Variants in NRG1 observed in about 807,000 individuals in gnomAD.
NRG1 encodes the protein neuregulin 1.
NRG1 carries 18 observed loss-of-function variants against 63.8 expected under a neutral mutation model. That is an observed-to-expected ratio of 0.28 (90% CI 0.19 to 0.42). The LOEUF is 0.42. Ranked by LOEUF, NRG1 falls within the 10% of genes least tolerant of loss-of-function variation. NRG1 has a pLI of 1.00. For synonymous variants in NRG1, 302 were observed against 301.3 expected, an observed-to-expected ratio of 1.00 and a Z score of -0.02; for missense variants, 762 against 814.7, an observed-to-expected ratio of 0.94 and a Z score of 0.79.
At chr8:31,678,669 T>G (rs1281957646) in intron 1 of NRG1, among the ~76,000 whole-genome samples, 1 of 150,180 alleles carries the variant, frequency 6.7e-6, no homozygotes, top group Admixed American at 6.7e-5. Flanking sequence ...ATATTCTATA[T>G]TGAAATGATT....
chr8:32,748,618 C>G (rs1243037248), intron 7 of NRG1: 1 of 439,040 alleles, frequency 2.3e-6, no homozygotes, highest in Non-Finnish European at 4.5e-6. Context: ...TGGCTCATAC[C>G]TTTGAGTCCA....
At chr8:32,137,035 G>A in intron 1 of NRG1, among the ~76,000 whole-genome samples, 1 of 152,020 alleles carries the variant, frequency 6.6e-6, no homozygotes. Context: ...TGGTTTATTC[G>A]ATTGTGAATC....
intron 1 of NRG1, among the ~76,000 whole-genome samples, chr8:32,071,884 T>C (rs1309029590): frequency 6.6e-6 from 1 of 152,084 alleles, no homozygotes; most frequent in Non-Finnish European, 1.5e-5. Flanking sequence ...ACAATGAGAG[T>C]CTTAACAAAT....
intron 1 of NRG1, among the ~76,000 whole-genome samples, chr8:32,587,211 C>T (rs980959570): frequency 2.0e-5 from 3 of 150,074 alleles, no homozygotes; most frequent in South Asian, 2.1e-4. Context: ...GAGACTCTGC[C>T]GCCAAAAAAA....
At chr8:32,432,120 T>C (rs566841727) in intron 1 of NRG1, among the ~76,000 whole-genome samples, 94 of 152,286 alleles carry the variant, frequency 6.2e-4, no homozygotes, top group African/African-American at 2.2e-3. Flanking sequence ...CCTGTCAAGA[T>C]GTATATGGAA....
At chr8:31,759,769 A>G (rs928841152) in intron 1 of NRG1, among the ~76,000 whole-genome samples, 3 of 152,094 alleles carry the variant, frequency 2.0e-5, no homozygotes, top group African/African-American at 7.2e-5. Flanking sequence ...TTTGATTGGT[A>G]TTGCTTTGAG....
Position 32,116,069 on chromosome 8 carries a change from T to C in NRG1, c.37+476638T>C, listed in dbSNP as rs533762157. On this transcript the variant is annotated intron_variant, in intron 1 of 10. Coordinates refer to the NRG1 transcript ENST00000519301. Reference sequence around the variant, plus strand: ...TTAGTGTTGAGAAAGATGATATTAATGTATTCCGTTGTCCTAAATATTTCA... The same window carrying C: ...TTAGTGTTGAGAAAGATGATATTAACGTATTCCGTTGTCCTAAATATTTCA... Among the ~76,000 whole-genome samples, 5 of 152,272 alleles carry C rather than the reference T, an allele frequency of 3.3e-5. No individual in the cohort carries two copies. The South Asian group carries it at 1.0e-3, about 32-fold the overall frequency.
chr8:32,209,145 G>T (rs1353135221), intron 1 of NRG1, among the ~76,000 whole-genome samples: 2 of 152,032 alleles, frequency 1.3e-5, no homozygotes, highest in Non-Finnish European at 2.9e-5. Flanking sequence ...GTGCCTTAAG[G>T]ATGACCAAAG....
intron 1 of NRG1, among the ~76,000 whole-genome samples, chr8:32,499,673 TA>T (rs1827627419): frequency 6.6e-6 from 1 of 151,948 alleles, no homozygotes; most frequent in Non-Finnish European, 1.5e-5. Context: ...GATCCTGTCT[TA>T]AAAATAAATA....
intron 1 of NRG1, among the ~76,000 whole-genome samples, chr8:31,742,598 A>G (rs1379863088): frequency 6.6e-6 from 1 of 150,542 alleles, no homozygotes; most frequent in Non-Finnish European, 1.5e-5. Flanking sequence ...TACTAAATTT[A>G]TGCTAGCTGC....
chr8:32,491,050 T>C (rs1826495170), intron 1 of NRG1, among the ~76,000 whole-genome samples: 1 of 152,190 alleles, frequency 6.6e-6, no homozygotes, highest in South Asian at 2.1e-4. Context: ...TCCCCCTTCA[T>C]CTCAAGGTGT....
chr8:32,645,353 C>T (rs1224637150), intron 5 of NRG1, among the ~76,000 whole-genome samples: 4 of 152,200 alleles, frequency 2.6e-5, no homozygotes, highest in Non-Finnish European at 5.9e-5. Context: ...GAGAGATGAA[C>T]TCAAGGATAA....
intron 1 of NRG1, among the ~76,000 whole-genome samples, chr8:31,723,730 G>A (rs886081008): frequency 1.3e-5 from 2 of 152,076 alleles, no homozygotes; most frequent in African/African-American, 2.4e-5. Context: ...TCCTTTAAAT[G>A]TATTTTCTTA....
chr8:32,155,651 A>G (rs533241073), intron 1 of NRG1, among the ~76,000 whole-genome samples: 3 of 152,152 alleles, frequency 2.0e-5, no homozygotes, highest in African/African-American at 7.2e-5. Context: ...CCTTGCTTCC[A>G]TCATACCTTT....
chr8:32,100,666 T>C (rs974473556), intron 1 of NRG1, among the ~76,000 whole-genome samples: 43 of 152,248 alleles, frequency 2.8e-4, no homozygotes, highest in African/African-American at 9.9e-4. Context: ...CAAATTTGCG[T>C]CCTTTTTTAT....
At chr8:32,048,219 C>T (rs1016760731) in intron 1 of NRG1, among the ~76,000 whole-genome samples, 4 of 150,926 alleles carry the variant, frequency 2.7e-5, no homozygotes, top group African/African-American at 4.9e-5. Flanking sequence ...ACGGTAAACA[C>T]GGAAGTGTAA....
chr8:32,091,388 T>C (rs1163634883), intron 1 of NRG1, among the ~76,000 whole-genome samples: 2 of 152,114 alleles, frequency 1.3e-5, no homozygotes, highest in African/African-American at 2.4e-5. Flanking sequence ...TGGTGGCAAG[T>C]TGGGAGAGAG....
At chr8:31,713,355 A>G (rs1335147641) in intron 1 of NRG1, among the ~76,000 whole-genome samples, 1 of 151,830 alleles carries the variant, frequency 6.6e-6, no homozygotes, top group African/African-American at 2.4e-5. Context: ...TGACCTCGTG[A>G]TCCGCCGGCC....
chr8:32,069,245 T>C (rs1474999948), intron 1 of NRG1, among the ~76,000 whole-genome samples: 1 of 152,150 alleles, frequency 6.6e-6, no homozygotes, highest in Non-Finnish European at 1.5e-5. Flanking sequence ...CAAAGAGTAG[T>C]AGATGAATTA....
Sources: allele counts gnomAD v4.1 joint callset (sites outside exome capture counted in the v4.1 genomes callset), GRCh38; gene constraint gnomAD v4.1.1; transcripts MANE v1.5; gene names NCBI Gene and HGNC (gene_info 2026-07-23, HGNC 2026-07-21).